The following PRR27 variants were observed in gnomAD, a reference collection of about 807,000 sequenced individuals.
PRR27 encodes proline rich 27.
Under a neutral mutation model 16.8 loss-of-function variants are expected in PRR27, and 12 were observed. The ratio of observed to expected loss-of-function variants is 0.71; its 90% CI spans 0.46 to 1.16. The LOEUF (loss-of-function observed/expected upper bound fraction) is 1.16. PRR27 is among the 50% of genes most tolerant of loss of function. PRR27 has a pLI of 0.00. For synonymous variants in PRR27, 100 were observed against 98.4 expected (o/e 1.02, Z -0.10); for missense variants, 277 against 273.3 (o/e 1.01, Z -0.10).
rs557439752 is a variant in PRR27 at position 70,155,444 on chromosome 4, A to C, written c.52-610A>C. On this transcript the variant is annotated intron_variant, in intron 1 of 4. Coordinates refer to ENST00000344526, the MANE Select transcript of PRR27 (RefSeq NM_214711.4). Reference sequence around the variant, plus strand: ...CAGTGGCGCGACCTGGGCTCACTGCAAGCTCCGCCTCTCGGGTTCACGCCA... The same window carrying C: ...CAGTGGCGCGACCTGGGCTCACTGCCAGCTCCGCCTCTCGGGTTCACGCCA... Among the ~76,000 whole-genome samples, 22 of 151,540 alleles carry C rather than the reference A, an allele frequency of 1.5e-4. No individual in the cohort carries two copies. The East Asian group carries it at 4.1e-3, about 28-fold the overall frequency.
At chr4:70,157,830 G>T (rs1458269978) in intron 2 of PRR27, among the ~76,000 whole-genome samples, 1 of 152,142 alleles carries the variant, frequency 6.6e-6, no homozygotes, top group Non-Finnish European at 1.5e-5. Context: ...TTAAAGGAAG[G>T]GAAGCATTGA....
In PRR27 at chr4:70,162,818, G is replaced by A. The variant is rs1186891319; in HGVS notation, c.*157G>A. ...ATTTGTTTGTGGTAGTTTTTCCTTG[G>A]ACTTAATTTATATTGAAAAAACATT... On this transcript the variant is annotated 3_prime_UTR_variant, in exon 5 of 5. Coordinates refer to ENST00000344526, the MANE Select transcript of PRR27 (RefSeq NM_214711.4). 2.0e-5 allele frequency: 3 copies of A among 151,968 alleles called. No homozygotes were observed. Among genetic ancestry groups the A allele is most frequent in the Middle Eastern group, 3.4e-3 (1 of 294 alleles). 9.4% of individuals were successfully genotyped at this position (151,968 alleles called of 1,614,324 possible).
Position 70,164,602 on chromosome 4 carries a change from C to T in PRR27, c.*1941C>T, listed in dbSNP as rs185720644. 5.1e-3 allele frequency: 775 copies of T among 152,096 alleles called. 5 individuals carry two copies. The highest frequency in any genetic ancestry group is 0.018 in the African/African-American group (746 of 41,496). The allele number at this position is 152,096 out of a possible 1,614,324, so 9.4% of individuals were successfully genotyped here. A position where few individuals can be genotyped will look rare whatever the true frequency, so the allele number is the denominator to read the frequency against. On this transcript the variant is annotated 3_prime_UTR_variant, in exon 5 of 5. Transcript: ENST00000344526. ...TCACAGATACATGCAATATTCACTT[C>T]TAAATATTTAATGATAAATTTGTAA...
intron 2 of PRR27, among the ~76,000 whole-genome samples, chr4:70,157,751 C>T (rs1184989737): frequency 6.6e-6 from 1 of 152,156 alleles, no homozygotes; most frequent in Non-Finnish European, 1.5e-5. Flanking sequence ...GATCTCTTGA[C>T]CTCGTGATCC....
In PRR27 at chr4:70,160,435, C is replaced by CTGTG. The variant is rs1182486828; in HGVS notation, c.649-1150_649-1149insGTGT. On this transcript the variant is annotated intron_variant, in intron 3 of 4. Coordinates refer to ENST00000344526, the MANE Select transcript of PRR27 (RefSeq NM_214711.4). ...TCTCTCTCTCTCTCTCTCTCTCTCT[C>CTGTG]TCTCTCTCTGTGTGTGTGTGTGTGT... Among the ~76,000 whole-genome samples the CTGTG allele has an allele frequency of 7.5e-4, 24 of 32,074 alleles. No homozygotes were observed. The East Asian group carries it at 0.012, about 15-fold the overall frequency. The allele number at this position is 32,074 out of a possible 152,430, so 21.0% of individuals were successfully genotyped here.
intron 3 of PRR27, among the ~76,000 whole-genome samples, chr4:70,159,573 T>C (rs897136416): frequency 6.6e-6 from 1 of 152,156 alleles, no homozygotes; most frequent in South Asian, 2.1e-4. Context: ...TGCACATGTA[T>C]ATGTACCTAC....
At chr4:70,160,758 G>T (rs28563098) in intron 3 of PRR27, among the ~76,000 whole-genome samples, 6,221 of 149,622 alleles carry the variant, frequency 0.042, 231 homozygotes, top group South Asian at 0.095. Context: ...AAAAAAAAAT[G>T]TAAGAAGCAG....
At chr4:70,155,614 C>T (rs868632048) in intron 1 of PRR27, among the ~76,000 whole-genome samples, 3 of 152,044 alleles carry the variant, frequency 2.0e-5, no homozygotes, top group Non-Finnish European at 4.4e-5. Context: ...GTGATCCGCC[C>T]CCTCGGCCTC....
intron 3 of PRR27, among the ~76,000 whole-genome samples, chr4:70,159,448 A>G (rs970873770): frequency 1.3e-5 from 2 of 152,182 alleles, no homozygotes; most frequent in African/African-American, 4.8e-5. Context: ...GCATGCTTTA[A>G]TGGCTTAAAC....
At position 70,164,963 on chromosome 4, in the gene PRR27, A is replaced by G. The variant is rs1482730353; in HGVS notation, c.*2302A>G. 2 of 152,164 alleles carry G rather than the reference A, an allele frequency of 1.3e-5. No homozygotes were observed. Among genetic ancestry groups the G allele is most frequent in the Non-Finnish European group, 2.9e-5 (2 of 67,976 alleles). 9.4% of individuals were successfully genotyped at this position (152,164 alleles called of 1,614,324 possible). A position where few individuals can be genotyped will look rare whatever the true frequency, so the allele number is the denominator to read the frequency against. ...AACATTTACAGTTTTTGCTTTTACT[A>G]CAAGATACTGTGAAATGTTCTGCTC... On this transcript the variant is annotated 3_prime_UTR_variant, in exon 5 of 5. Coordinates refer to ENST00000344526, the MANE Select transcript of PRR27 (RefSeq NM_214711.4).
In PRR27 at chr4:70,158,677, C is replaced by A; in HGVS notation, c.425C>A (p.Thr142Lys). The change falls in exon 3 of 5, where the codon ACA (threonine) becomes AAA (lysine). Residue 142 changes from threonine (T) to lysine (K), a missense_variant. Thr to Lys is a moderately conservative substitution (Grantham distance 78). Transcript: ENST00000344526. The part of the protein sequence containing the change: ...EPAAAAPLTA[T>K]PVAAEPAAGA... Reference sequence around the variant, plus strand: ...GCTGCAGCTGCACCTCTTACAGCCACACCTGTAGCAGCTGAGCCTGCTGCA... The same window carrying A: ...GCTGCAGCTGCACCTCTTACAGCCAAACCTGTAGCAGCTGAGCCTGCTGCA... The A allele has an allele frequency of 6.2e-7, 1 of 1,613,788 alleles. No homozygotes were observed. Among genetic ancestry groups the A allele is most frequent in the Non-Finnish European group, 8.5e-7 (1 of 1,179,912 alleles).
chr4:70,154,294 A>G lies in PRR27; in HGVS notation c.-82A>G. 1 of 1,198,674 alleles carries G rather than the reference A, an allele frequency of 8.3e-7. No homozygotes were observed. The highest frequency in any genetic ancestry group is 1.2e-6 in the Non-Finnish European group (1 of 829,798). The allele number at this position is 1,198,674 out of a possible 1,614,324, so 74.3% of individuals were successfully genotyped here. ...GTATTCTTTCGTTTCTCTCTAAAAG[A>G]AGAAAAATATAATTTAAAAATACAT... On this transcript the variant is annotated 5_prime_UTR_variant, in exon 1 of 5. Transcript: ENST00000344526.
Position 70,154,367 on chromosome 4 carries a change from TCAATCAAAATG to T in PRR27, c.-8_3del. On this transcript the variant is annotated start_lost and 5_prime_UTR_variant, in exon 1 of 5. Transcript: ENST00000344526. Reference sequence around the variant, plus strand: ...ATTTATAGTGTTAATATTCATAGGGTCAATCAAAATGAAGCTTCTCCTTTGGGCCTGCATTG... The same window carrying T: ...ATTTATAGTGTTAATATTCATAGGGTAAGCTTCTCCTTTGGGCCTGCATTG... 1 of 1,604,564 alleles carries T rather than the reference TCAATCAAAATG, an allele frequency of 6.2e-7. No individual in the cohort carries two copies. The highest frequency in any genetic ancestry group is 8.5e-7 in the Non-Finnish European group (1 of 1,171,630).
Position 70,160,706 on chromosome 4 carries a change from G to A in PRR27, c.649-880G>A, listed in dbSNP as rs114837682. Among the ~76,000 whole-genome samples the A allele has an allele frequency of 3.9e-3, 582 of 149,354 alleles. 6 individuals carry two copies. The highest frequency in any genetic ancestry group is 0.013 in the African/African-American group (536 of 40,558). On this transcript the variant is annotated intron_variant, in intron 3 of 4. Transcript: ENST00000344526. ...ATTCATCTTGAACTTTAGCTTTAGC[G>A]AAGTTTACTAAACTTTTAGAAAAAC...
chr4:70,161,098 T>A (rs1728635026), intron 3 of PRR27, among the ~76,000 whole-genome samples: 1 of 148,664 alleles, frequency 6.7e-6, no homozygotes, highest in South Asian at 2.1e-4. Flanking sequence ...ACATTAAATA[T>A]GTTCATTCAG....
chr4:70,154,715 T>C (rs1418746900), intron 1 of PRR27: 17 of 1,370,962 alleles, frequency 1.2e-5, no homozygotes, highest in East Asian at 3.7e-5. Context: ...ACGTAGATTA[T>C]CTTAACAGAG....
At chr4:70,157,127 G>T (rs560763937) in intron 2 of PRR27, among the ~76,000 whole-genome samples, 1 of 152,044 alleles carries the variant, frequency 6.6e-6, no homozygotes, top group African/African-American at 2.4e-5. Context: ...ACCTCAGGGG[G>T]CTCTGGCAAT....
At chr4:70,157,432 T>C (rs1186201525) in intron 2 of PRR27, among the ~76,000 whole-genome samples, 3 of 150,250 alleles carry the variant, frequency 2.0e-5, no homozygotes, top group Non-Finnish European at 4.4e-5. Context: ...CTTCTCAGTA[T>C]TGTATATTAT....
At position 70,154,548 on chromosome 4, in the gene PRR27, G is replaced by A. The variant is rs138467969; in HGVS notation, c.51+122G>A. 4.5e-6 allele frequency: 4 copies of A among 895,830 alleles called. No homozygotes were observed. The East Asian group carries it at 7.8e-5, about 17-fold the overall frequency. 55.5% of individuals were successfully genotyped at this position (895,830 alleles called of 1,614,324 possible). A position where few individuals can be genotyped will look rare whatever the true frequency, so the allele number is the denominator to read the frequency against. On this transcript the variant is annotated intron_variant, in intron 1 of 4. Coordinates refer to ENST00000344526, the MANE Select transcript of PRR27 (RefSeq NM_214711.4). ...AATAAAGCAGCAGAGAGACATAGAT[G>A]GACATGAGATTTGTAGTGTCAGACT...
Sources: allele counts gnomAD v4.1 joint callset (sites outside exome capture counted in the v4.1 genomes callset), GRCh38; gene constraint gnomAD v4.1.1; transcripts MANE v1.5; gene names NCBI Gene and HGNC (gene_info 2026-07-23, HGNC 2026-07-21).